The following LIPI variants were observed in gnomAD, a reference collection of about 807,000 sequenced individuals.
LIPI encodes the protein lipase I.
LIPI carries 59 observed loss-of-function variants against 50.6 expected under a neutral mutation model. The ratio of observed to expected loss-of-function variants is 1.16; its 90% confidence interval spans 0.94 to 1.45. The LOEUF (loss-of-function observed/expected upper bound fraction) is 1.45, where lower values mean the gene tolerates loss of function less well. Ranked by LOEUF, LIPI falls within the 40% of genes most tolerant of loss-of-function variation. The pLI is 0.00. For missense variants in LIPI, 586 were observed against 536.3 expected (o/e 1.09, Z -0.92); for synonymous variants, 203 against 178.2 (o/e 1.14, Z -1.11).
At chr21:14,125,760 A>G (rs888162959) in intron 9 of LIPI, among the ~76,000 whole-genome samples, 7 of 152,084 alleles carry the variant, frequency 4.6e-5, no homozygotes, top group Non-Finnish European at 1.0e-4. Context: ...GGTCTTCACC[A>G]TGTTAGCCAG....
intron 1 of LIPI, among the ~76,000 whole-genome samples, chr21:14,204,509 T>C (rs1406093296): frequency 2.6e-5 from 4 of 151,868 alleles, no homozygotes; most frequent in Non-Finnish European, 5.9e-5. Context: ...CTCAATACAA[T>C]AACTAAGGAG....
At chr21:14,207,020 A>T in intron 1 of LIPI, 1 of 838,334 alleles carries the variant, frequency 1.2e-6, no homozygotes, top group South Asian at 1.3e-5. Context: ...AGTACGAAAC[A>T]ATTGACCCAC....
Position 14,163,293 on chromosome 21 carries a change from AT to A in LIPI, c.1006+125del, listed in dbSNP as rs2018558036. ...GAATTTGTCCCACTGGCTATAGCAA[AT>A]TTTAAATTTGCCTGAAAGAACATGA... is the stretch of plus-strand genomic sequence containing the variant. On this transcript the variant is annotated intron_variant, in intron 7 of 9. Transcript: ENST00000681601. 3 of 610,186 alleles carry A rather than the reference AT, an allele frequency of 4.9e-6. No homozygotes were observed. The Admixed American group carries it at 8.2e-5, about 17-fold the overall frequency. The allele number at this position is 610,186 out of a possible 1,614,324, so 37.8% of individuals were successfully genotyped here.
chr21:14,134,828 T>A (rs999370404), intron 9 of LIPI, among the ~76,000 whole-genome samples: 61 of 151,356 alleles, frequency 4.0e-4, no homozygotes, highest in African/African-American at 1.1e-3. Flanking sequence ...GACCAGAAAC[T>A]ATTAAAAAAA....
chr21:14,139,058 G>A (rs2017610105), intron 9 of LIPI, among the ~76,000 whole-genome samples: 1 of 152,062 alleles, frequency 6.6e-6, no homozygotes, highest in South Asian at 2.1e-4. Context: ...CTCCAAAGCT[G>A]ACACTCTTAA....
At chr21:14,207,682 C>T (rs759427325) in intron 1 of LIPI, among the ~76,000 whole-genome samples, 12 of 152,110 alleles carry the variant, frequency 7.9e-5, no homozygotes, top group Non-Finnish European at 1.6e-4. Flanking sequence ...GATATATCTG[C>T]ATTTTTTTAA....
intron 9 of LIPI, among the ~76,000 whole-genome samples, chr21:14,110,940 CTA>C (rs1313521102): frequency 3.4e-5 from 5 of 147,356 alleles, no homozygotes; most frequent in African/African-American, 2.5e-5. Context: ...ATACCATATA[CTA>C]TATATATATA....
intron 9 of LIPI, among the ~76,000 whole-genome samples, chr21:14,142,125 T>A (rs915104926): frequency 6.6e-6 from 1 of 152,118 alleles, no homozygotes; most frequent in Non-Finnish European, 1.5e-5. Context: ...TCTATTCTTA[T>A]GTTTAGTGGA....
intron 6 of LIPI, 113 bp downstream of exon 6, chr21:14,165,110 G>C: frequency 1.3e-6 from 1 of 763,486 alleles, no homozygotes. Context: ...CCATAAAATG[G>C]TCATGTATTA....
intron 9 of LIPI, among the ~76,000 whole-genome samples, chr21:14,110,386 C>G (rs914161769): frequency 1.3e-5 from 2 of 151,576 alleles, no homozygotes; most frequent in African/African-American, 2.4e-5. Flanking sequence ...TCTATGTATT[C>G]ATTATGTACA....
intron 7 of LIPI, among the ~76,000 whole-genome samples, chr21:14,156,390 G>C (rs1389106370): frequency 6.6e-6 from 1 of 151,532 alleles, no homozygotes; most frequent in African/African-American, 2.4e-5. Flanking sequence ...ATAATATGAA[G>C]ACTCAGCCCA....
At chr21:14,138,197 T>G (rs574281490) in intron 9 of LIPI, among the ~76,000 whole-genome samples, 1 of 142,738 alleles carries the variant, frequency 7.0e-6, no homozygotes, top group East Asian at 2.0e-4. Context: ...CCCCTAAACA[T>G]AGATAAAAAA....
intron 9 of LIPI, among the ~76,000 whole-genome samples, chr21:14,123,069 G>A (rs749573027): frequency 1.5e-4 from 23 of 152,174 alleles, no homozygotes; most frequent in Non-Finnish European, 2.6e-4. Flanking sequence ...ATGGCCCTGG[G>A]AGGCTAGAAA....
intron 9 of LIPI, among the ~76,000 whole-genome samples, chr21:14,121,239 A>G (rs1477677535): frequency 6.6e-6 from 1 of 152,244 alleles, no homozygotes; most frequent in Non-Finnish European, 1.5e-5. Context: ...CTTATAGATT[A>G]AATGAAAACT....
Position 14,152,669 on chromosome 21 carries a change from A to T in LIPI, c.1022T>A (p.Leu341His). 6.7e-7 allele frequency: 1 copy of T among 1,483,990 alleles called. No individual in the cohort carries two copies. The allele number at this position is 1,483,990 out of a possible 1,614,324, so 91.9% of individuals were successfully genotyped here. ...AGTTTTATCTGGAACAATTATACTGAGAACAAAATAATAGGCTACAAAATA... is the reference window on the plus strand; with the variant it reads ...AGTTTTATCTGGAACAATTATACTGTGAACAAAATAATAGGCTACAAAATA... ...TYPFCTYYFV[L>H]SIIVPDKTMM... is the part of the protein sequence containing the mutation. Residue 341 changes from leucine to histidine, a missense_variant, in exon 8 of 10, where the codon CTC becomes CAC. Physicochemically the swap from Leu to His is moderately conservative, Grantham distance 99. Transcript: ENST00000681601.
At position 14,180,820 on chromosome 21, in the gene LIPI, C is replaced by T. The variant is rs142805586; in HGVS notation, c.643+938G>A. 3.7e-3 allele frequency among the ~76,000 whole-genome samples: 562 copies of T among 152,234 alleles called. 2 individuals carry two copies. Among genetic ancestry groups the T allele is most frequent in the Non-Finnish European group, 6.1e-3 (417 of 68,010 alleles). On this transcript the variant is annotated intron_variant, in intron 4 of 9. Transcript: ENST00000681601. ...TGAAAAATTGCATCTATGGCATTTA[C>T]GTATCTCACACACAGACACATAAAC...
chr21:14,157,445 G>GA, intron 7 of LIPI, among the ~76,000 whole-genome samples: 1 of 151,988 alleles, frequency 6.6e-6, no homozygotes, highest in African/African-American at 2.4e-5. Flanking sequence ...GGATTGTCTA[G>GA]AAAAAATATG....
intron 4 of LIPI, among the ~76,000 whole-genome samples, chr21:14,176,722 T>A (rs2019110092): frequency 1.0e-5 from 1 of 99,264 alleles, no homozygotes; most frequent in African/African-American, 3.6e-5. Context: ...CTTTCAATTC[T>A]TTTTTTTTTT....
intron 4 of LIPI, among the ~76,000 whole-genome samples, chr21:14,171,256 G>A (rs2018893797): frequency 6.7e-6 from 1 of 148,476 alleles, no homozygotes; most frequent in Admixed American, 6.7e-5. Flanking sequence ...CTCATGGGTA[G>A]GAAGAATCAA....
Sources: gnomAD v4.1 joint callset for allele counts (sites outside exome capture counted in the v4.1 genomes callset) on GRCh38, gnomAD v4.1.1 for gene constraint, MANE v1.5 for transcripts, NCBI Gene and HGNC (gene_info 2026-07-23, HGNC 2026-07-21) for gene names.